Variants in ITSN2 observed in about 807,000 individuals in gnomAD.
ITSN2 encodes the protein intersectin-2.
A neutral mutation model predicts 243.7 loss-of-function variants in ITSN2; 156 were observed. That is an observed-to-expected ratio of 0.64 (90% CI 0.56 to 0.73). The LOEUF (loss-of-function observed/expected upper bound fraction) is 0.73. Among genes scored for constraint, ITSN2 ranks in the 30% least tolerant of loss-of-function variants. The pLI is 0.00. For missense variants in ITSN2, 1,801 were observed against 1,996.1 expected, an observed-to-expected ratio of 0.90 and a Z score of 1.86; for synonymous variants, 703 against 699.9, an observed-to-expected ratio of 1.00 and a Z score of -0.07.
intron 25 of ITSN2, among the ~76,000 whole-genome samples, chr2:24,250,880 G>A (rs1371689439): frequency 6.6e-6 from 1 of 152,018 alleles, no homozygotes; most frequent in East Asian, 1.9e-4. Context: ...TGAGAAAGTA[G>A]CTGACTTAAT....
chr2:24,215,186 T>G (rs577883730), intron 32 of ITSN2, among the ~76,000 whole-genome samples: 1 of 152,358 alleles, frequency 6.6e-6, no homozygotes, highest in Admixed American at 6.5e-5. Context: ...CTTCTGCTCA[T>G]CAGTTTCTGG....
chr2:24,279,685 G>T (rs17789375), intron 17 of ITSN2, among the ~76,000 whole-genome samples: 31,064 of 150,052 alleles, frequency 0.21, 3,496 homozygotes, highest in Non-Finnish European at 0.26. Context: ...CCTAGGCCAG[G>T]AGTTTTCGTT....
chr2:24,248,293 G>C (rs1406013998), intron 27 of ITSN2, among the ~76,000 whole-genome samples: 2 of 152,092 alleles, frequency 1.3e-5, no homozygotes, highest in Non-Finnish European at 2.9e-5. Flanking sequence ...CTTTCTCCTA[G>C]AGGCTATACT....
rs1668742896 is a variant in ITSN2 at position 24,205,214 on chromosome 2, C to T, written c.4762G>A (p.Gly1588Arg). 1.2e-6 allele frequency: 2 copies of T among 1,613,036 alleles called. No homozygotes were observed. Among genetic ancestry groups the T allele is most frequent in the Admixed American group, 3.3e-5 (2 of 60,016 alleles). The change falls in exon 38 of 40, where the codon GGA becomes AGA. Residue 1588 changes from glycine to arginine, a missense_variant and splice_region_variant. Gly to Arg is a moderately radical substitution (Grantham distance 125, BLOSUM62 -2). Coordinates refer to ENST00000355123, the MANE Select transcript of ITSN2 (RefSeq NM_006277.3). The part of the protein sequence containing the change: ...ATELKACKPN[G>R]KSNPYCEISM... ...CTGAATGAATCAAGGCAGTATTTAC[C>T]ATTTGGTTTGCAGGCTTTTAATTCT...
chr2:24,238,016 T>C (rs1041998723), intron 29 of ITSN2, among the ~76,000 whole-genome samples: 3 of 152,106 alleles, frequency 2.0e-5, no homozygotes, highest in East Asian at 1.9e-4. Flanking sequence ...TTCCCCACCA[T>C]GCCATTTCTT....
intron 1 of ITSN2, among the ~76,000 whole-genome samples, chr2:24,352,378 T>C (rs1307195543): frequency 1.3e-5 from 2 of 152,134 alleles, no homozygotes; most frequent in East Asian, 1.9e-4. Context: ...TAATCACTAA[T>C]CTAATTTGTT....
In ITSN2 at chr2:24,338,518, ATATTT is replaced by A. The variant is rs559371560; in HGVS notation, c.-33-10408_-33-10404del. Reference sequence around the variant, plus strand: ...TTTGGCTCAGAATAAATCTCTTCATATATTTTAGAGAGTTTGGTTCTTTTCATCGA... The same window carrying A: ...TTTGGCTCAGAATAAATCTCTTCATATAGAGAGTTTGGTTCTTTTCATCGA... On this transcript the variant is annotated intron_variant, in intron 1 of 39. Transcript: ENST00000355123. 6.6e-5 allele frequency among the ~76,000 whole-genome samples: 10 copies of A among 152,316 alleles called. No individual in the cohort carries two copies. The East Asian group carries it at 1.9e-3, about 29-fold the overall frequency.
chr2:24,359,770 A>G (rs11897644), intron 1 of ITSN2, among the ~76,000 whole-genome samples: 178 of 152,322 alleles, frequency 1.2e-3, no homozygotes, highest in African/African-American at 4.1e-3. Flanking sequence ...CGCGAGCGGT[A>G]GACGCCAAGC....
intron 37 of ITSN2, among the ~76,000 whole-genome samples, chr2:24,207,315 C>G (rs936146228): frequency 6.6e-6 from 1 of 151,678 alleles, no homozygotes; most frequent in African/African-American, 2.4e-5. Context: ...GTGCAGCTGA[C>G]CAGGTGTGAG....
In ITSN2 at chr2:24,337,337, T is replaced by TATATATATATATAC. The variant is rs1686540562; in HGVS notation, c.-33-9223_-33-9222insGTATATATATATAT. Among the ~76,000 whole-genome samples the TATATATATATATAC allele has an allele frequency of 5.4e-5, 6 of 111,744 alleles. 1 individual carries two copies. The highest frequency in any genetic ancestry group is 4.8e-4 in the Admixed American group (5 of 10,370). The allele number at this position is 111,744 out of a possible 152,430, so 73.3% of individuals were successfully genotyped here. ...CAAAATATATATATATATATATATATATATATATATATATATGTAATTTTT... is the reference window on the plus strand; with the variant it reads ...CAAAATATATATATATATATATATATATATATATATATACATATATATATATATATGTAATTTTT... On this transcript the variant is annotated intron_variant, in intron 1 of 39. Coordinates refer to ENST00000355123, the MANE Select transcript of ITSN2 (RefSeq NM_006277.3).
At chr2:24,279,717 G>A in intron 17 of ITSN2, among the ~76,000 whole-genome samples, 1 of 146,678 alleles carries the variant, frequency 6.8e-6, no homozygotes, top group African/African-American at 2.5e-5. Context: ...CTAAAGATGT[G>A]TGAATTTTCT....
intron 29 of ITSN2, among the ~76,000 whole-genome samples, chr2:24,233,854 C>T (rs1479566297): frequency 3.3e-5 from 5 of 152,168 alleles, no homozygotes; most frequent in East Asian, 3.8e-4. Flanking sequence ...ACTCATTTAT[C>T]GTTCTCTTTG....
chr2:24,357,038 T>C (rs558102999), intron 1 of ITSN2, among the ~76,000 whole-genome samples: 89 of 152,170 alleles, frequency 5.8e-4, no homozygotes, highest in Non-Finnish European at 1.2e-3. Context: ...GGAATGTAAA[T>C]TGGTTCAACC....
chr2:24,262,039 T>C (rs1675966279), intron 20 of ITSN2, among the ~76,000 whole-genome samples: 1 of 152,164 alleles, frequency 6.6e-6, no homozygotes, highest in African/African-American at 2.4e-5. Flanking sequence ...ATGCCCTGAT[T>C]TTCACTCCTG....
chr2:24,210,709 G>C, intron 34 of ITSN2, 71 bp downstream of exon 34: 1 of 1,467,134 alleles, frequency 6.8e-7, no homozygotes, highest in East Asian at 2.3e-5. Context: ...GTCCACGTGA[G>C]GGAAGGCTCG....
At chr2:24,325,958 C>T (rs1685119049) in intron 2 of ITSN2, among the ~76,000 whole-genome samples, 1 of 152,050 alleles carries the variant, frequency 6.6e-6, no homozygotes, top group South Asian at 2.1e-4. Flanking sequence ...CACACATACA[C>T]ATTCACACAC....
chr2:24,308,921 G>C (rs1361777117), intron 7 of ITSN2, 165 bp from the exon 8 acceptor site: 1 of 595,358 alleles, frequency 1.7e-6, no homozygotes, highest in African/African-American at 1.9e-5. Flanking sequence ...TGAGTGGCAG[G>C]TGAGTGAGCA....
chr2:24,260,953 T>G (rs1204437785), intron 22 of ITSN2, among the ~76,000 whole-genome samples, 153 bp downstream of exon 22: 2 of 151,470 alleles, frequency 1.3e-5, no homozygotes, highest in Admixed American at 6.6e-5. Flanking sequence ...AATAGTCATT[T>G]CTTCAACTTC....
Position 24,310,645 on chromosome 2 carries a change from C to G in ITSN2, c.400G>C (p.Ala134Pro), listed in dbSNP as rs1039495775. 6.2e-7 allele frequency: 1 copy of G among 1,614,004 alleles called. No homozygotes were observed. The highest frequency in any genetic ancestry group is 8.5e-7 in the Non-Finnish European group (1 of 1,180,026). ...GAAGACAATGATGTTATAGGTGCAG[C>G]TGGAGGCAATGGCTGAGGAATGGAC... ...NLSIPQPLPPAAPITSLSSAT... is the reference protein window; with the variant it reads ...NLSIPQPLPPPAPITSLSSAT... The change falls in exon 6 of 40, where the codon GCT (alanine) becomes CCT (proline). Residue 134 changes from alanine to proline, a missense_variant. This residue lies in a region of ITSN2 where 787 missense variants were observed against 803.9 expected (regional missense o/e 0.98). Coordinates refer to ENST00000355123, the MANE Select transcript of ITSN2 (RefSeq NM_006277.3).
Sources: allele counts gnomAD v4.1 joint callset (sites outside exome capture counted in the v4.1 genomes callset), GRCh38; gene constraint gnomAD v4.1.1; regional missense constraint gnomAD v4.1.1; transcripts MANE v1.5; gene names NCBI Gene and HGNC (gene_info 2026-07-23, HGNC 2026-07-21).